The following GPHN variants were observed in gnomAD, a reference collection of about 807,000 sequenced individuals.
The protein encoded by GPHN is gephyrin.
GPHN carries 17 observed loss-of-function variants against 95.5 expected under a neutral mutation model. The ratio of observed to expected loss-of-function variants is 0.18; its 90% CI spans 0.12 to 0.27. The LOEUF is 0.27. Ranked by LOEUF, GPHN falls within the 10% of genes least tolerant of loss-of-function variation. The pLI is 1.00. For missense variants in GPHN, 660 were observed against 978.1 expected (o/e 0.67, Z 4.34); for synonymous variants, 320 against 322.5 (o/e 0.99, Z 0.08).
chr14:67,646,289 T>TGGCAACCAGGTTATGCTTCAAGAACCA, the GPHN span, among the ~76,000 whole-genome samples: 1 of 152,204 alleles, frequency 6.6e-6, no homozygotes, highest in South Asian at 2.1e-4. Context: ...CAACTTGAGA[T>TGGCAACCAGGTTATGCTTCAAGAACCA]GGCAACCAGG....
chr14:66,840,284 TAAA>T (rs1567005336), intron 4 of GPHN, among the ~76,000 whole-genome samples: 1 of 151,774 alleles, frequency 6.6e-6, no homozygotes, highest in Non-Finnish European at 1.5e-5. Context: ...GTCTCAAAAA[TAAA>T]AAATAAAACT....
chr14:66,797,585 TGTGGCTATTGTA>T (rs1188350162), intron 3 of GPHN, among the ~76,000 whole-genome samples: 1 of 151,942 alleles, frequency 6.6e-6, no homozygotes, highest in Non-Finnish European at 1.5e-5. Context: ...TACTTTTGTG[TGTGGCTATTGTA>T]AATGGGGTTA....
chr14:67,289,611 C>T, the GPHN span, among the ~76,000 whole-genome samples: 1 of 151,896 alleles, frequency 6.6e-6, no homozygotes, highest in Admixed American at 6.6e-5. Flanking sequence ...AGATAGCGAA[C>T]CTCAAGAATC....
At chr14:67,294,932 A>T in the GPHN span, 1 of 152,058 alleles carries the variant, frequency 6.6e-6, no homozygotes, top group African/African-American at 2.4e-5. Context: ...TCGGCCTCCC[A>T]AAGTGCTGGG....
intron 8 of GPHN, among the ~76,000 whole-genome samples, chr14:66,947,050 AT>A (rs1458395617): frequency 3.9e-5 from 6 of 152,178 alleles, no homozygotes; most frequent in Non-Finnish European, 8.8e-5. Context: ...TTCTTATCAC[AT>A]TCATTGTTAC....
At chr14:67,332,721 A>G in the GPHN span, 13 of 1,523,258 alleles carry the variant, frequency 8.5e-6, no homozygotes, top group African/African-American at 1.4e-5. Context: ...TCTCTGACTC[A>G]TCCTATATTA....
the GPHN span, among the ~76,000 whole-genome samples, chr14:67,277,853 CAA>C: frequency 4.1e-3 from 625 of 152,100 alleles, 5 homozygotes; most frequent in Non-Finnish European, 7.4e-3. Context: ...ATCTGAGGGT[CAA>C]AGAGAGAAAA....
At chr14:67,566,232 G>A in the GPHN span, among the ~76,000 whole-genome samples, 1 of 152,142 alleles carries the variant, frequency 6.6e-6, no homozygotes, top group Non-Finnish European at 1.5e-5. Flanking sequence ...CTGTAAGACT[G>A]GAGACCCAGT....
chr14:67,268,087 TTCTC>T, the GPHN span, among the ~76,000 whole-genome samples: 2 of 152,206 alleles, frequency 1.3e-5, no homozygotes, highest in Non-Finnish European at 2.9e-5. Context: ...GTTTATTTCT[TTCTC>T]TTGTGTGGAA....
intron 1 of GPHN, among the ~76,000 whole-genome samples, chr14:66,619,146 C>T (rs763192442): frequency 2.6e-5 from 4 of 152,108 alleles, no homozygotes; most frequent in Admixed American, 6.5e-5. Context: ...TGATCATAGA[C>T]ATTTGGTTGT....
chr14:67,382,510 C>T, the GPHN span: 2 of 1,613,834 alleles, frequency 1.2e-6, no homozygotes, highest in Non-Finnish European at 1.7e-6. Context: ...AACAGAAGGC[C>T]TTTCTGTCCT....
intron 11 of GPHN, among the ~76,000 whole-genome samples, chr14:67,060,697 C>G (rs956320444): frequency 2.0e-5 from 3 of 152,202 alleles, no homozygotes; most frequent in African/African-American, 7.2e-5. Context: ...CTTTAATTGG[C>G]TCCTTTACAG....
At chr14:66,792,733 AG>A (rs2060016275) in intron 3 of GPHN, among the ~76,000 whole-genome samples, 2 of 152,234 alleles carry the variant, frequency 1.3e-5, no homozygotes, top group Non-Finnish European at 2.9e-5. Flanking sequence ...GTGGTGCTAG[AG>A]GAATTAAAGA....
intron 1 of GPHN, among the ~76,000 whole-genome samples, chr14:66,605,735 T>A (rs1422412539): frequency 2.0e-5 from 3 of 152,032 alleles, no homozygotes; most frequent in Non-Finnish European, 4.4e-5. Flanking sequence ...GGTTTCACTG[T>A]GTTAGCCAGG....
At chr14:67,446,303 G>A in the GPHN span, among the ~76,000 whole-genome samples, 14 of 152,198 alleles carry the variant, frequency 9.2e-5, no homozygotes, top group Non-Finnish European at 2.1e-4. Context: ...CTCAAGAAGA[G>A]TGCCCCCAGA....
the GPHN span, among the ~76,000 whole-genome samples, chr14:67,638,450 T>C: frequency 6.6e-6 from 1 of 152,150 alleles, no homozygotes; most frequent in African/African-American, 2.4e-5. Flanking sequence ...ACCTCTGATA[T>C]ACACGTTATC....
chr14:66,922,274 T>G (rs1050122290), intron 6 of GPHN, among the ~76,000 whole-genome samples: 2 of 137,694 alleles, frequency 1.5e-5, no homozygotes, highest in Non-Finnish European at 3.0e-5. Flanking sequence ...AGTGTATGTT[T>G]TTTTTTTTTT....
the GPHN span, chr14:67,611,248 CCTCT>C: frequency 3.4e-5 from 5 of 147,590 alleles, no homozygotes; most frequent in Non-Finnish European, 7.4e-5. Context: ...TCCCTCCCTC[CCTCT>C]CTCTCTCTTT....
chr14:66,847,086 T>G (rs918169259), intron 4 of GPHN, among the ~76,000 whole-genome samples: 5 of 152,172 alleles, frequency 3.3e-5, no homozygotes, highest in African/African-American at 1.2e-4. Flanking sequence ...TTCCTATTAC[T>G]CAGTACTTCA....
Sources: allele counts gnomAD v4.1 joint callset (sites outside exome capture counted in the v4.1 genomes callset), GRCh38; gene constraint gnomAD v4.1.1; transcripts MANE v1.5; gene names NCBI Gene and HGNC (gene_info 2026-07-23, HGNC 2026-07-21).